WDR25: variants seen among roughly 807,000 people sequenced by gnomAD.
The protein encoded by WDR25 is WD repeat-containing protein 25.
WDR25 carries 35 observed loss-of-function variants against 47.7 expected under a neutral mutation model. The ratio of observed to expected loss-of-function variants is 0.73; its 90% CI spans 0.56 to 0.97. WDR25 has a LOEUF of 0.97. WDR25 is among the 50% of genes least tolerant of loss of function. The pLI, the probability that WDR25 is intolerant of heterozygous loss-of-function variation, is 0.00. For synonymous variants in WDR25, 248 were observed against 278.9 expected, an observed-to-expected ratio of 0.89 and a Z score of 1.10; for missense variants, 634 against 704.7, an observed-to-expected ratio of 0.90 and a Z score of 1.14.
At chr14:100,421,690 T>C (rs1028818642) in intron 2 of WDR25, among the ~76,000 whole-genome samples, 1 of 152,230 alleles carries the variant, frequency 6.6e-6, no homozygotes, top group Non-Finnish European at 1.5e-5. Context: ...TTTCCATTAG[T>C]GGCCACTCCC....
At chr14:100,418,995 G>A (rs747497486) in intron 2 of WDR25, among the ~76,000 whole-genome samples, 14 of 152,138 alleles carry the variant, frequency 9.2e-5, no homozygotes, top group Non-Finnish European at 1.5e-4. Flanking sequence ...CAAGGTGGGC[G>A]ATCACCTGAT....
chr14:100,529,875 C>A lies in WDR25; in HGVS notation c.1469C>A (p.Thr490Lys). ...TCCCCAGGCGGTGACTTGCTGGTGA[C>A]GGGCAGCGCCGATGGCCGGGTCCTG... ...ECSPGGDLLV[T>K]GSADGRVLMY... is the part of the protein sequence containing the mutation. The change falls in exon 7 of 7, where the codon ACG becomes AAG. Residue 490 changes from threonine to lysine, a missense_variant. Coordinates refer to ENST00000402312, the MANE Select transcript of WDR25 (RefSeq NM_001161476.3). This position sits in a 1 kb window ranked among gnomAD's most constrained non-coding sequence, Gnocchi z 5.1. The A allele has an allele frequency of 6.2e-7, 1 of 1,613,210 alleles. No individual in the cohort carries two copies. The highest frequency in any genetic ancestry group is 8.5e-7 in the Non-Finnish European group (1 of 1,180,020).
rs999881841 is a variant in WDR25 at position 100,425,776 on chromosome 14, C to T, written c.823-42245C>T. 6.6e-6 allele frequency among the ~76,000 whole-genome samples: 1 copy of T among 152,110 alleles called. No individual in the cohort carries two copies. Among genetic ancestry groups the T allele is most frequent in the Admixed American group, 6.5e-5 (1 of 15,270 alleles). On this transcript the variant is annotated intron_variant, in intron 2 of 6. Coordinates refer to ENST00000402312, the MANE Select transcript of WDR25 (RefSeq NM_001161476.3). This position sits in a 1 kb window ranked among gnomAD's most constrained non-coding sequence, Gnocchi z 4.8. ...TGGCTGAAATTTGTGGACTGTTTAC[C>T]AAAGCTCTGGCATGTGATGACCTAG...
At chr14:100,444,835 G>A (rs915736213) in intron 2 of WDR25, among the ~76,000 whole-genome samples, 1 of 152,254 alleles carries the variant, frequency 6.6e-6, no homozygotes, top group African/African-American at 2.4e-5. Flanking sequence ...GTGAGGGACA[G>A]GAGAAGAACC....
chr14:100,471,275 C>T (rs1372745358), intron 3 of WDR25, among the ~76,000 whole-genome samples: 1 of 152,174 alleles, frequency 6.6e-6, no homozygotes, highest in Non-Finnish European at 1.5e-5. Context: ...TGCTCAGTAC[C>T]TGTGTGGGTA....
intron 5 of WDR25, among the ~76,000 whole-genome samples, chr14:100,526,599 AGT>A (rs2030151667): frequency 6.6e-6 from 1 of 152,042 alleles, no homozygotes; most frequent in Non-Finnish European, 1.5e-5. Flanking sequence ...GGTATAGCAC[AGT>A]GTCAGGCACG....
In WDR25 at chr14:100,486,581, C is replaced by T. The variant is rs913003707; in HGVS notation, c.1101+2457C>T. Among the ~76,000 whole-genome samples, 4 of 152,332 alleles carry T rather than the reference C, an allele frequency of 2.6e-5. No homozygotes were observed. In the South Asian group the frequency reaches 6.2e-4, roughly 24 times the overall value. ...GTGTTGCCCATGTGTCTCAAATGGA[C>T]TCGGCAGGAGGACCAGGGAGGAGGC... On this transcript the variant is annotated intron_variant, in intron 4 of 6. Transcript: ENST00000402312.
Position 100,484,056 on chromosome 14 carries a change from G to C in WDR25, c.1033G>C (p.Asp345His). Residue 345 changes from aspartate to histidine, a missense_variant, in exon 4 of 7, where the codon GAC (aspartate) becomes CAC (histidine). By Grantham distance (81) the Asp-to-His change is moderately conservative. Coordinates refer to ENST00000402312, the MANE Select transcript of WDR25 (RefSeq NM_001161476.3). ...RITTLKFHPKDHNIFLCGGFS... is the reference protein window; with the variant it reads ...RITTLKFHPKHHNIFLCGGFS... ...CACTACCTTGAAATTCCATCCAAAA[G>C]ACCACAACATCTTTTTATGTGGAGG... 6.2e-7 allele frequency: 1 copy of C among 1,613,842 alleles called. No individual in the cohort carries two copies. The highest frequency in any genetic ancestry group is 8.5e-7 in the Non-Finnish European group (1 of 1,179,934).
At chr14:100,393,915 C>T (rs774614427) in intron 2 of WDR25, among the ~76,000 whole-genome samples, 5 of 152,178 alleles carry the variant, frequency 3.3e-5, no homozygotes, top group Admixed American at 6.5e-5. Flanking sequence ...TGGAGCACAG[C>T]GCTCCACACA....
chr14:100,512,720 C>CAGTA (rs1346118495), intron 4 of WDR25, among the ~76,000 whole-genome samples: 1 of 152,066 alleles, frequency 6.6e-6, no homozygotes, highest in Non-Finnish European at 1.5e-5. Context: ...TATAGATGTT[C>CAGTA]AATACTATTG....
chr14:100,386,753 C>A (rs1218220580), intron 2 of WDR25, among the ~76,000 whole-genome samples: 2 of 151,936 alleles, frequency 1.3e-5, no homozygotes, highest in African/African-American at 4.8e-5. Context: ...ATTAGCCGGG[C>A]GCGGTGGTGG....
At chr14:100,398,687 T>A (rs1287449008) in intron 2 of WDR25, among the ~76,000 whole-genome samples, 2 of 148,426 alleles carry the variant, frequency 1.3e-5, no homozygotes, top group Non-Finnish European at 3.0e-5. Flanking sequence ...TCCACTAATG[T>A]CCTTTTTCCG....
intron 4 of WDR25, among the ~76,000 whole-genome samples, chr14:100,518,275 A>T (rs922845692): frequency 6.6e-6 from 1 of 152,142 alleles, no homozygotes; most frequent in African/African-American, 2.4e-5. Flanking sequence ...ATTGATGCTA[A>T]TTTACCACTT....
In WDR25 at chr14:100,529,169, C is replaced by G. The variant is rs528228202; in HGVS notation, c.1374C>G (p.Pro458=). The G allele has an allele frequency of 6.2e-7, 1 of 1,612,590 alleles. No homozygotes were observed. Among genetic ancestry groups the G allele is most frequent in the South Asian group, 1.1e-5 (1 of 91,046 alleles). The change falls in exon 6 of 7, where the codon CCC becomes CCG. Residue 458 remains proline (P), a synonymous_variant. Coordinates refer to ENST00000402312, the MANE Select transcript of WDR25 (RefSeq NM_001161476.3). The surrounding 1 kb of genome is among the most constrained non-coding windows in gnomAD (Gnocchi z 5.1). The part of the protein sequence containing the change: ...NYLALFSTVW[P]YRMSRRRRYE... ...TGGCCCTTTTCTCCACTGTGTGGCC[C>G]TACCGGATGAGCAGACGGCGGCGCT... is the stretch of plus-strand genomic sequence containing the variant.
intron 4 of WDR25, among the ~76,000 whole-genome samples, chr14:100,510,822 C>T (rs1217690180): frequency 1.3e-5 from 2 of 150,102 alleles, no homozygotes; most frequent in South Asian, 2.1e-4. Flanking sequence ...AGGCTGATCT[C>T]AAACTCCTGG....
chr14:100,401,657 G>A (rs138291946), intron 2 of WDR25, among the ~76,000 whole-genome samples: 110 of 152,272 alleles, frequency 7.2e-4, no homozygotes, highest in African/African-American at 2.5e-3. Context: ...TCTTTTTTGG[G>A]CTTCTTTTTA....
intron 4 of WDR25, among the ~76,000 whole-genome samples, chr14:100,516,073 G>A (rs1377344322): frequency 6.6e-6 from 1 of 151,570 alleles, no homozygotes; most frequent in African/African-American, 2.4e-5. Flanking sequence ...CAGACATTGT[G>A]AATTTTACTT....
At chr14:100,443,092 A>T (rs952786172) in intron 2 of WDR25, among the ~76,000 whole-genome samples, 1 of 152,152 alleles carries the variant, frequency 6.6e-6, no homozygotes, top group African/African-American at 2.4e-5. Context: ...GCAGGTGGAA[A>T]CCTGGGCCTG....
chr14:100,442,361 C>T (rs1898696251), intron 2 of WDR25, among the ~76,000 whole-genome samples: 1 of 152,162 alleles, frequency 6.6e-6, no homozygotes, highest in African/African-American at 2.4e-5. Context: ...GGGTCTTCAC[C>T]CTGGGGGAGC....
Sources: allele counts gnomAD v4.1 joint callset (sites outside exome capture counted in the v4.1 genomes callset), GRCh38; gene constraint gnomAD v4.1.1; non-coding constraint Gnocchi (gnomAD v3.1); transcripts MANE v1.5; gene names NCBI Gene and HGNC (gene_info 2026-07-23, HGNC 2026-07-21).